The following SHROOM3 variants were observed in gnomAD, a reference collection of about 807,000 sequenced individuals.
SHROOM3 encodes shroom family member 3, also known as protein Shroom3.
A neutral mutation model predicts 138.6 loss-of-function variants in SHROOM3; 47 were observed. The observed-to-expected ratio is 0.34, with a 90% CI of 0.27 to 0.43. The LOEUF is 0.43. Ranked by LOEUF, SHROOM3 falls within the 20% of genes least tolerant of loss-of-function variation. The pLI, the probability that SHROOM3 is intolerant of heterozygous loss-of-function variation, is 1.00. For missense variants in SHROOM3, 2,491 were observed against 2,596.5 expected (o/e 0.96, Z 0.88); for synonymous variants, 1,062 against 1,063.3 (o/e 1.00, Z 0.02).
At chr4:76,494,224 T>C (rs1731918477) in intron 1 of SHROOM3, among the ~76,000 whole-genome samples, 2 of 152,014 alleles carry the variant, frequency 1.3e-5, no homozygotes, top group African/African-American at 4.8e-5. Context: ...GCCAAATTTC[T>C]GAAATTCTTT....
rs918432176 is a variant in SHROOM3 at position 76,575,736 on chromosome 4, T to C, written c.323+19973T>C. ...AGGAATTAACCAAATAAGTGAAAGA[T>C]CTCTATAATAAAAACTATTAATATA... On this transcript the variant is annotated intron_variant, in intron 2 of 10. Coordinates refer to ENST00000296043, the MANE Select transcript of SHROOM3 (RefSeq NM_020859.4). 15 of 152,196 alleles carry C rather than the reference T, an allele frequency of 9.9e-5. No homozygotes were observed. The East Asian group carries it at 2.9e-3, about 29-fold the overall frequency. 9.4% of individuals were successfully genotyped at this position (152,196 alleles called of 1,614,324 possible).
At chr4:76,775,823 A>G (rs1427873140) in intron 10 of SHROOM3, among the ~76,000 whole-genome samples, 1 of 151,810 alleles carries the variant, frequency 6.6e-6, no homozygotes, top group Non-Finnish European at 1.5e-5. Context: ...ATATACACAC[A>G]CACACACACA....
At chr4:76,499,530 C>G (rs1471432000) in intron 1 of SHROOM3, among the ~76,000 whole-genome samples, 1 of 152,120 alleles carries the variant, frequency 6.6e-6, no homozygotes, top group Non-Finnish European at 1.5e-5. Context: ...TTCAGGGAAA[C>G]AAACATTTTT....
intron 1 of SHROOM3, among the ~76,000 whole-genome samples, chr4:76,527,968 G>A (rs960940045): frequency 1.3e-5 from 2 of 152,132 alleles, no homozygotes; most frequent in African/African-American, 4.8e-5. Context: ...GAGGGTGAAT[G>A]GATATTGGGG....
intron 2 of SHROOM3, among the ~76,000 whole-genome samples, chr4:76,651,142 G>A (rs1163246497): frequency 1.3e-5 from 2 of 151,706 alleles, no homozygotes; most frequent in Admixed American, 6.6e-5. Flanking sequence ...AAGGGTAGTG[G>A]TGGGCTGGGT....
chr4:76,437,200 G>A (rs992279022), intron 1 of SHROOM3, among the ~76,000 whole-genome samples: 2 of 152,128 alleles, frequency 1.3e-5, no homozygotes, highest in Admixed American at 6.5e-5. Flanking sequence ...GATAAGCCAC[G>A]AGTGCACGGG....
intron 2 of SHROOM3, among the ~76,000 whole-genome samples, chr4:76,677,141 G>A (rs141710167): frequency 6.6e-6 from 1 of 152,112 alleles, no homozygotes; most frequent in Non-Finnish European, 1.5e-5. Flanking sequence ...TTAGACTTAC[G>A]AGGTAAAAAG....
intron 1 of SHROOM3, among the ~76,000 whole-genome samples, chr4:76,485,911 T>G (rs938804357): frequency 7.9e-5 from 12 of 152,252 alleles, no homozygotes; most frequent in Non-Finnish European, 1.2e-4. Context: ...CATAGTCATA[T>G]GACTCATCTG....
chr4:76,680,376 C>T (rs75315193), intron 2 of SHROOM3, among the ~76,000 whole-genome samples: 12 of 152,086 alleles, frequency 7.9e-5, no homozygotes, highest in Admixed American at 6.5e-4. Context: ...CCTGACCTCA[C>T]GATCTGCCCG....
chr4:76,530,677 A>C (rs1052747453), intron 1 of SHROOM3, among the ~76,000 whole-genome samples: 5 of 152,244 alleles, frequency 3.3e-5, no homozygotes, highest in Non-Finnish European at 7.3e-5. Context: ...CCCCAGGGAA[A>C]GGTTTTGTCT....
chr4:76,649,262 G>A (rs1429173665), intron 2 of SHROOM3, among the ~76,000 whole-genome samples: 1 of 152,068 alleles, frequency 6.6e-6, no homozygotes, highest in African/African-American at 2.4e-5. Context: ...GCTGCTTTGA[G>A]GATATTGGAA....
In SHROOM3 at chr4:76,667,597, A is replaced by T. The variant is rs146488822; in HGVS notation, c.324-42559A>T. Among the ~76,000 whole-genome samples, 38 of 152,190 alleles carry T rather than the reference A, an allele frequency of 2.5e-4. No homozygotes were observed. The East Asian group carries it at 7.0e-3, about 28-fold the overall frequency. On this transcript the variant is annotated intron_variant, in intron 2 of 10. Transcript: ENST00000296043. ...CCAAAGTACTGGGATTACAGGCATG[A>T]GCCATCATGCCCAGCCTGTTATGTA...
intron 10 of SHROOM3, among the ~76,000 whole-genome samples, chr4:76,774,604 T>TA (rs1722482018): frequency 6.6e-6 from 1 of 152,072 alleles, no homozygotes; most frequent in African/African-American, 2.4e-5. Context: ...ATTTTATATA[T>TA]TTTTTAAGGT....
intron 9 of SHROOM3, among the ~76,000 whole-genome samples, chr4:76,767,791 T>C (rs1047131706): frequency 6.6e-6 from 1 of 152,058 alleles, no homozygotes; most frequent in African/African-American, 2.4e-5. Context: ...CTTCCAGAAA[T>C]GACAACACAC....
At chr4:76,496,985 G>A (rs1731982350) in intron 1 of SHROOM3, among the ~76,000 whole-genome samples, 1 of 152,214 alleles carries the variant, frequency 6.6e-6, no homozygotes, top group African/African-American at 2.4e-5. Context: ...AAGGCTGTCT[G>A]TGTTATCCCT....
intron 2 of SHROOM3, among the ~76,000 whole-genome samples, chr4:76,693,378 T>TTTTTTTTTG (rs1719620424): frequency 1.5e-5 from 2 of 132,148 alleles, no homozygotes; most frequent in African/African-American, 3.1e-5. Flanking sequence ...TTGTTTTTTT[T>TTTTTTTTTG]TTTTTTTTTT....
At position 76,455,866 on chromosome 4, in the gene SHROOM3, A is replaced by G. The variant is rs77276142; in HGVS notation, c.168+19646A>G. On this transcript the variant is annotated intron_variant, in intron 1 of 10. Coordinates refer to ENST00000296043, the MANE Select transcript of SHROOM3 (RefSeq NM_020859.4). The stretch of plus-strand genomic sequence containing the variant: ...GAAAACGTGCATCCCCAGCAACTGT[A>G]GTTGTCCCTCAGTATCAGTGAGGAA... 3.2e-4 allele frequency among the ~76,000 whole-genome samples: 48 copies of G among 152,294 alleles called. No homozygotes were observed. In the East Asian group the frequency reaches 8.7e-3, roughly 28 times the overall value.
rs376498175 is a variant in SHROOM3 at position 76,690,841 on chromosome 4, A to G, written c.324-19315A>G. On this transcript the variant is annotated intron_variant, in intron 2 of 10. Transcript: ENST00000296043. ...AATCCTAGTCATTTGAAAACTTTTCAGCTATGGACTTTTTTTTTTCTCCAT... is the reference window on the plus strand; with the variant it reads ...AATCCTAGTCATTTGAAAACTTTTCGGCTATGGACTTTTTTTTTTCTCCAT... 1.1e-4 allele frequency among the ~76,000 whole-genome samples: 16 copies of G among 152,280 alleles called. No individual in the cohort carries two copies. The East Asian group carries it at 2.7e-3, about 26-fold the overall frequency.
intron 2 of SHROOM3, among the ~76,000 whole-genome samples, chr4:76,576,878 A>T (rs551726562): frequency 6.6e-6 from 1 of 152,200 alleles, no homozygotes; most frequent in Admixed American, 6.5e-5. Flanking sequence ...TTAAATTTTT[A>T]AAAATAAAAA....
Sources: gnomAD v4.1 joint callset for allele counts (sites outside exome capture counted in the v4.1 genomes callset) on GRCh38, gnomAD v4.1.1 for gene constraint, MANE v1.5 for transcripts, NCBI Gene and HGNC (gene_info 2026-07-23, HGNC 2026-07-21) for gene names.